The following ANKRD50 variants were observed in gnomAD, a reference collection of about 807,000 sequenced individuals.
ANKRD50 encodes the protein ankyrin repeat domain 50.
In ANKRD50, 40 loss-of-function variants were observed where a neutral mutation model predicts 112.0. That is an observed-to-expected ratio of 0.36 (90% CI 0.28 to 0.46). ANKRD50 has a LOEUF of 0.46. Ranked by LOEUF, ANKRD50 falls within the 20% of genes least tolerant of loss-of-function variation. ANKRD50 has a pLI of 1.00. For synonymous variants in ANKRD50, 613 were observed against 619.1 expected (o/e 0.99, Z 0.15); for missense variants, 1,487 against 1,701.7 (o/e 0.87, Z 2.22).
intron 2 of ANKRD50, among the ~76,000 whole-genome samples, chr4:124,694,738 A>T (rs954377069): frequency 6.6e-6 from 1 of 152,184 alleles, no homozygotes; most frequent in Non-Finnish European, 1.5e-5. Flanking sequence ...CAAAATCGTT[A>T]GTATCAGCTT....
chr4:124,709,808 C>T (rs943252611), intron 2 of ANKRD50, among the ~76,000 whole-genome samples, 192 bp downstream of exon 2: 1 of 152,100 alleles, frequency 6.6e-6, no homozygotes, highest in East Asian at 1.9e-4. Flanking sequence ...AATCCATATG[C>T]TGTGCAATAC....
rs114467893 is a variant in ANKRD50, at chr4:124,698,694, G to A, written c.512+11306C>T. On this transcript the variant is annotated intron_variant, in intron 2 of 4. Transcript: ENST00000504087. ...CATTTTCTTCTGAAGATATGGTGGA[G>A]CTTCCAGGGGCTACACGATGTGAGG... Among the ~76,000 whole-genome samples the A allele has an allele frequency of 5.8e-3, 878 of 152,196 alleles. 10 individuals are homozygous for A. Among genetic ancestry groups the A allele is most frequent in the East Asian group, 0.026 (133 of 5,172 alleles).
In ANKRD50 at chr4:124,664,367, A is replaced by T. The variant is rs1007845075; in HGVS notation, c.*3151T>A. The T allele has an allele frequency of 6.6e-6, 1 of 152,100 alleles. No homozygotes were observed. Among genetic ancestry groups the T allele is most frequent in the Admixed American group, 6.6e-5 (1 of 15,248 alleles). The allele number at this position is 152,100 out of a possible 1,614,324, so 9.4% of individuals were successfully genotyped here. A position where few individuals can be genotyped will look rare whatever the true frequency, so the allele number is the denominator to read the frequency against. On this transcript the variant is annotated 3_prime_UTR_variant, in exon 5 of 5. Coordinates refer to ENST00000504087, the MANE Select transcript of ANKRD50 (RefSeq NM_020337.3). ...ACTTTCTTCTTTGCAAAATGTTTCC[A>T]AATTCATTTGCTCAGGATTTATTTA...
Position 124,711,377 on chromosome 4 carries a change from A to C in ANKRD50, c.-763-103T>G, listed in dbSNP as rs193060776. ...GTGTACCAGTTAACGTAATCTCAAAAATCCACGTACTTCACCTTTGGCACT... is the reference window on the plus strand; with the variant it reads ...GTGTACCAGTTAACGTAATCTCAAACATCCACGTACTTCACCTTTGGCACT... On this transcript the variant is annotated intron_variant, in intron 1 of 4. Transcript: ENST00000504087. 2.6e-5 allele frequency: 4 copies of C among 152,368 alleles called. No individual in the cohort carries two copies. The East Asian group carries it at 7.7e-4, about 29-fold the overall frequency. The allele number at this position is 152,368 out of a possible 1,614,324, so 9.4% of individuals were successfully genotyped here.
intron 2 of ANKRD50, among the ~76,000 whole-genome samples, chr4:124,686,292 G>A (rs1725005544): frequency 6.6e-6 from 1 of 152,168 alleles, no homozygotes; most frequent in South Asian, 2.1e-4. Context: ...GTATTAGGAA[G>A]AATGTCCCTC....
intron 2 of ANKRD50, among the ~76,000 whole-genome samples, chr4:124,699,763 A>G (rs186111016): frequency 1.6e-4 from 24 of 151,702 alleles, no homozygotes; most frequent in Admixed American, 1.3e-3. Flanking sequence ...TAATCTACAT[A>G]TATAAATTGT....
At chr4:124,696,113 T>A (rs1012106028) in intron 2 of ANKRD50, among the ~76,000 whole-genome samples, 4 of 152,044 alleles carry the variant, frequency 2.6e-5, no homozygotes, top group Admixed American at 2.6e-4. Flanking sequence ...TAACCATGAC[T>A]AATATGTTAA....
At position 124,672,224 on chromosome 4, in the gene ANKRD50, C is replaced by A. The variant is rs748868355; in HGVS notation, c.1053G>T (p.Gln351His). Residue 351 changes from glutamine to histidine, a missense_variant, in exon 4 of 5, where the codon CAG becomes CAT. By Grantham distance (24) the Gln-to-His change is conservative (BLOSUM62 0). Around this residue, in one of 2 missense-constraint regions of ANKRD50, gnomAD observed 1,046 missense variants for 1,269.5 expected, o/e 0.82. Transcript: ENST00000504087. ...CTGCAAGAATCACATTCAAAATAGG[C>A]TGAACCTTTGCAAATTGTTTTCTTA... ...LFVRKQFAKV[Q>H]PILNVILAAC... 3 of 1,613,800 alleles carry A rather than the reference C, an allele frequency of 1.9e-6. No homozygotes were observed. Among genetic ancestry groups the A allele is most frequent in the Non-Finnish European group, 2.5e-6 (3 of 1,179,832 alleles).
chr4:124,706,207 AAC>A (rs1327226579), intron 2 of ANKRD50, among the ~76,000 whole-genome samples: 2 of 152,130 alleles, frequency 1.3e-5, no homozygotes, highest in Non-Finnish European at 2.9e-5. Context: ...AACTCTACCT[AAC>A]ACACAGAAGG....
At chr4:124,700,254 T>C (rs558558012) in intron 2 of ANKRD50, among the ~76,000 whole-genome samples, 3 of 152,320 alleles carry the variant, frequency 2.0e-5, no homozygotes, top group Non-Finnish European at 2.9e-5. Context: ...TGAAGAGCAA[T>C]GTGCAAGAAT....
intron 2 of ANKRD50, among the ~76,000 whole-genome samples, chr4:124,697,701 T>C (rs924981461): frequency 2.6e-5 from 4 of 152,162 alleles, no homozygotes; most frequent in Non-Finnish European, 5.9e-5. Context: ...CTTTAAAACT[T>C]ATCCAGCCTC....
Position 124,678,729 on chromosome 4 carries a change from A to C in ANKRD50, c.689T>G (p.Leu230Trp), listed in dbSNP as rs1194230980. 6 of 1,613,780 alleles carry C rather than the reference A, an allele frequency of 3.7e-6. No homozygotes were observed. Among genetic ancestry groups the C allele is most frequent in the Non-Finnish European group, 5.1e-6 (6 of 1,179,814 alleles). Residue 230 changes from leucine (L) to tryptophan (W), a missense_variant, in exon 3 of 5, where the codon TTG becomes TGG. Coordinates refer to ENST00000504087, the MANE Select transcript of ANKRD50 (RefSeq NM_020337.3). ...GHHEFFPPWLLLLCSARKQSK... is the reference protein window; with the variant it reads ...GHHEFFPPWLWLLCSARKQSK... ...CTGCTTTCGGGCAGAACAGAGAAGC[A>C]ATAGCCATGGTGGAAAGAACTCATG...
chr4:124,693,508 T>C (rs1431923648), intron 2 of ANKRD50, among the ~76,000 whole-genome samples: 2 of 152,176 alleles, frequency 1.3e-5, no homozygotes, highest in Admixed American at 1.3e-4. Context: ...CTGCGATGTA[T>C]CAGAATACTT....
At position 124,672,005 on chromosome 4, in the gene ANKRD50, C is replaced by A. The variant is rs1265598594; in HGVS notation, c.1272G>T (p.Lys424Asn). 1.9e-6 allele frequency: 3 copies of A among 1,613,762 alleles called. No homozygotes were observed. The highest frequency in any genetic ancestry group is 1.3e-5 in the African/African-American group (1 of 74,898). ...GTCCTTCTGCTGCATTACATAAATACTTCTGAGTACAGTGTTTCACATCCA... is the reference window on the plus strand; with the variant it reads ...GTCCTTCTGCTGCATTACATAAATAATTCTGAGTACAGTGTTTCACATCCA... ...WLLDVKHCTQ[K>N]YLCNAAEGHR... The change falls in exon 4 of 5, where the codon AAG becomes AAT. Residue 424 changes from lysine to asparagine, a missense_variant. This residue lies in a region of ANKRD50 where 1,046 missense variants were observed against 1,269.5 expected (regional missense o/e 0.82). Transcript: ENST00000504087.
chr4:124,670,561 T>C lies in ANKRD50; in HGVS notation c.2716A>G (p.Ile906Val), dbSNP rs374780329. The C allele has an allele frequency of 1.2e-6, 2 of 1,612,984 alleles. No individual in the cohort carries two copies. The highest frequency in any genetic ancestry group is 1.1e-5 in the South Asian group (1 of 90,798). ...VQILLENKSNIDQRGYDGRNA... is the reference protein window; with the variant it reads ...VQILLENKSNVDQRGYDGRNA... ...CTTCCATCATAACCTCTTTGATCAA[T>C]GTTGGATTTGTTTTCCAGTAATATT... Residue 906 changes from isoleucine (I) to valine (V), a missense_variant, in exon 4 of 5, where the codon ATT becomes GTT. By Grantham distance (29) the Ile-to-Val change is conservative. Coordinates refer to ENST00000504087, the MANE Select transcript of ANKRD50 (RefSeq NM_020337.3).
At chr4:124,708,716 AC>A (rs1477777155) in intron 2 of ANKRD50, among the ~76,000 whole-genome samples, 1 of 150,630 alleles carries the variant, frequency 6.6e-6, no homozygotes, top group Non-Finnish European at 1.5e-5. Context: ...ACACACACAC[AC>A]ACATACACAC....
chr4:124,675,379 C>T (rs946587237), intron 3 of ANKRD50, among the ~76,000 whole-genome samples: 1 of 151,328 alleles, frequency 6.6e-6, no homozygotes, highest in Non-Finnish European at 1.5e-5. Flanking sequence ...ATAAGCAATA[C>T]GAAAATAAAA....
intron 2 of ANKRD50, among the ~76,000 whole-genome samples, chr4:124,685,004 G>GA (rs1724975052): frequency 6.6e-6 from 1 of 152,118 alleles, no homozygotes; most frequent in Non-Finnish European, 1.5e-5. Flanking sequence ...TTTTACTCCT[G>GA]AAAGAAGCCT....
chr4:124,700,115 T>TTCTAAA (rs1725355056), intron 2 of ANKRD50, among the ~76,000 whole-genome samples: 2 of 151,986 alleles, frequency 1.3e-5, no homozygotes, highest in Admixed American at 6.6e-5. Context: ...AAAGATTCAG[T>TTCTAAA]GAATAAGGAA....
Sources: gnomAD v4.1 joint callset for allele counts (sites outside exome capture counted in the v4.1 genomes callset) on GRCh38, gnomAD v4.1.1 for gene constraint, gnomAD v4.1.1 regional missense constraint, MANE v1.5 for transcripts, NCBI Gene and HGNC (gene_info 2026-07-23, HGNC 2026-07-21) for gene names.